Variants in FAM118B observed in about 807,000 individuals in gnomAD.
The protein encoded by FAM118B is protein FAM118B.
A neutral mutation model predicts 38.5 loss-of-function variants in FAM118B; 24 were observed. The ratio of observed to expected loss-of-function variants is 0.62; its 90% CI spans 0.45 to 0.88. The LOEUF (loss-of-function observed/expected upper bound fraction) is 0.88, where lower values mean the gene tolerates loss of function less well. Ranked by LOEUF, FAM118B falls within the 40% of genes least tolerant of loss-of-function variation. The pLI is 0.00. For synonymous variants in FAM118B, 138 were observed against 156.3 expected (o/e 0.88, Z 0.87); for missense variants, 334 against 420.0 (o/e 0.80, Z 1.79).
In FAM118B at chr11:126,255,895, GCAGTGAGCCAAGA is replaced by G. The variant is rs1950571415; in HGVS notation, c.697-670_697-658del. Among the ~76,000 whole-genome samples, 1 of 152,170 alleles carries G rather than the reference GCAGTGAGCCAAGA, an allele frequency of 6.6e-6. No homozygotes were observed. The highest frequency in any genetic ancestry group is 1.5e-5 in the Non-Finnish European group (1 of 68,036). On this transcript the variant is annotated intron_variant, in intron 6 of 8. Transcript: ENST00000533050. The surrounding 1 kb of genome is among the most constrained non-coding windows in gnomAD (Gnocchi z 4.6). ...TTGAACCTGGGAGGCAGAGGAGGTT[GCAGTGAGCCAAGA>G]CCATGCCACTGCACTCCAGCCTAGG...
Position 126,256,519 on chromosome 11 carries a change from C to T in FAM118B, c.697-48C>T. ...CATGACCTTCTTGTTTCAGACTTGC[C>T]TTGAGTGTGTCTTCACAATGTCAAT... On this transcript the variant is annotated intron_variant, in intron 6 of 8. Transcript: ENST00000533050. The surrounding 1 kb of genome is among the most constrained non-coding windows in gnomAD (Gnocchi z 6.6). The T allele has an allele frequency of 6.3e-7, 1 of 1,577,596 alleles. No individual in the cohort carries two copies. Among genetic ancestry groups the T allele is most frequent in the African/African-American group, 1.4e-5 (1 of 74,022 alleles).
chr11:126,241,984 C>T (rs1950364680), intron 4 of FAM118B, among the ~76,000 whole-genome samples: 1 of 147,840 alleles, frequency 6.8e-6, no homozygotes. Context: ...GCGGTCGCGC[C>T]ACTGCACTCC....
Position 126,240,837 on chromosome 11 carries a change from G to T in FAM118B, c.132G>T (p.Val44=). ...SLKTKKPREL[V]LVIGTGISAA... The stretch of plus-strand genomic sequence containing the variant: ...AAACTAAGAAGCCTCGAGAACTTGT[G>T]CTAGTGATTGGAACAGGCATTAGTG... The change falls in exon 4 of 9, where the codon GTG becomes GTT. Residue 44 remains valine (V), a synonymous_variant. Transcript: ENST00000533050. 1 of 1,612,960 alleles carries T rather than the reference G, an allele frequency of 6.2e-7. No individual in the cohort carries two copies. Among genetic ancestry groups the T allele is most frequent in the East Asian group, 2.2e-5 (1 of 44,884 alleles).
chr11:126,212,882 G>A (rs893246172), intron 1 of FAM118B, among the ~76,000 whole-genome samples: 6 of 152,192 alleles, frequency 3.9e-5, no homozygotes, highest in Admixed American at 3.9e-4. Context: ...AGGGCAGAGA[G>A]ACTCCTTGAA....
At chr11:126,246,327 C>T (rs146002649) in intron 4 of FAM118B, among the ~76,000 whole-genome samples, 12 of 152,140 alleles carry the variant, frequency 7.9e-5, no homozygotes, top group African/African-American at 2.7e-4. Flanking sequence ...GCCTATCTAC[C>T]GAGCCAGTTT....
At chr11:126,213,636 G>A (rs886449702) in intron 1 of FAM118B, among the ~76,000 whole-genome samples, 1 of 152,194 alleles carries the variant, frequency 6.6e-6, no homozygotes, top group Admixed American at 6.5e-5. Context: ...CTTGTTTTGG[G>A]TACAGGACTT....
intron 1 of FAM118B, among the ~76,000 whole-genome samples, chr11:126,228,129 T>G (rs1950167219): frequency 6.6e-6 from 1 of 151,944 alleles, no homozygotes; most frequent in African/African-American, 2.4e-5. Context: ...CAGCTCTATT[T>G]AAGTTGGAAA....
At chr11:126,224,285 C>T (rs1950107615) in intron 1 of FAM118B, among the ~76,000 whole-genome samples, 1 of 151,872 alleles carries the variant, frequency 6.6e-6, no homozygotes, top group African/African-American at 2.4e-5. Flanking sequence ...CCAGCCTGAG[C>T]AACGTGACAA....
chr11:126,261,625 CTACCCAT>C (rs1950701660), intron 8 of FAM118B, 141 bp downstream of exon 8: 1 of 647,498 alleles, frequency 1.5e-6, no homozygotes. Flanking sequence ...TTTTCCTCTC[CTACCCAT>C]TAAGGATTCT....
At chr11:126,218,920 C>A (rs955323521) in intron 1 of FAM118B, among the ~76,000 whole-genome samples, 1 of 152,122 alleles carries the variant, frequency 6.6e-6, no homozygotes, top group African/African-American at 2.4e-5. Flanking sequence ...GTATTTTACT[C>A]CAGACCCATT....
rs1266477816 is a variant in FAM118B at position 126,253,806 on chromosome 11, G to C, written c.568-499G>C. Among the ~76,000 whole-genome samples the C allele has an allele frequency of 2.6e-5, 4 of 152,224 alleles. No homozygotes were observed. The highest frequency in any genetic ancestry group is 2.6e-4 in the Admixed American group (4 of 15,282). Reference sequence around the variant, plus strand: ...GCTTCTTCACTTTCTTCGCATGGCAGCTGGATTCCAAAAGTAACACAAGAG... The same window carrying C: ...GCTTCTTCACTTTCTTCGCATGGCACCTGGATTCCAAAAGTAACACAAGAG... On this transcript the variant is annotated intron_variant, in intron 5 of 8. Coordinates refer to ENST00000533050, the MANE Select transcript of FAM118B (RefSeq NM_024556.4). The surrounding 1 kb of genome is among the most constrained non-coding windows in gnomAD (Gnocchi z 5.1).
At chr11:126,237,579 G>C (rs1950293866) in intron 3 of FAM118B, among the ~76,000 whole-genome samples, 1 of 138,638 alleles carries the variant, frequency 7.2e-6, no homozygotes, top group Non-Finnish European at 1.5e-5. Context: ...GCTCACGCCT[G>C]TCATCCCAGC....
At chr11:126,214,488 C>CTT (rs1565322268) in intron 1 of FAM118B, 1 of 34,856 alleles carries the variant, frequency 2.9e-5, no homozygotes, top group Non-Finnish European at 5.9e-5. Flanking sequence ...TCTTTTGTTT[C>CTT]TGTTTTTTTT....
intron 1 of FAM118B, among the ~76,000 whole-genome samples, chr11:126,219,339 T>C (rs1950027365): frequency 7.2e-6 from 1 of 138,698 alleles, no homozygotes; most frequent in South Asian, 2.3e-4. Flanking sequence ...ATCCTTCAGC[T>C]CTTGTTTATC....
Position 126,248,118 on chromosome 11 carries a change from G to C in FAM118B, c.340-2388G>C, listed in dbSNP as rs1297833671. 5.4e-5 allele frequency among the ~76,000 whole-genome samples: 8 copies of C among 149,352 alleles called. 1 individual carries two copies. Reference sequence around the variant, plus strand: ...CCAAAATCACGCCATTGCACTCCAGGCTGGGCAACAGAGCAAGACTCTGTC... The same window carrying C: ...CCAAAATCACGCCATTGCACTCCAGCCTGGGCAACAGAGCAAGACTCTGTC... On this transcript the variant is annotated intron_variant, in intron 4 of 8. Transcript: ENST00000533050.
intron 3 of FAM118B, among the ~76,000 whole-genome samples, chr11:126,240,394 T>C (rs1045031776): frequency 6.6e-6 from 1 of 152,154 alleles, no homozygotes; most frequent in East Asian, 1.9e-4. Flanking sequence ...GGGGTTCTTT[T>C]CTCTTTTTCT....
chr11:126,241,674 T>G (rs147143345), intron 4 of FAM118B, among the ~76,000 whole-genome samples: 55 of 152,116 alleles, frequency 3.6e-4, no homozygotes, highest in Middle Eastern at 3.4e-3. Flanking sequence ...CTCAGCCTCC[T>G]GAGTAGGTGG....
rs1240798593 is a variant in FAM118B, at chr11:126,262,936, AATTT to A, written c.*810_*813del. The A allele has an allele frequency of 6.6e-6, 1 of 152,670 alleles. No individual in the cohort carries two copies. Among genetic ancestry groups the A allele is most frequent in the Non-Finnish European group, 1.5e-5 (1 of 68,052 alleles). 9.5% of individuals were successfully genotyped at this position (152,670 alleles called of 1,614,324 possible). A position where few individuals can be genotyped will look rare whatever the true frequency, so the allele number is the denominator to read the frequency against. On this transcript the variant is annotated 3_prime_UTR_variant, in exon 9 of 9. Transcript: ENST00000533050. ...AAAAGAACTCCAAGACCTAAAAGGC[AATTT>A]ATTTATGAAATTTATTTTCTTATAT...
chr11:126,248,103 G>A (rs988897826), intron 4 of FAM118B, among the ~76,000 whole-genome samples: 5 of 149,822 alleles, frequency 3.3e-5, no homozygotes, highest in African/African-American at 7.3e-5. Flanking sequence ...CCAAAATCAC[G>A]CCATTGCACT....
Sources: allele counts gnomAD v4.1 joint callset (sites outside exome capture counted in the v4.1 genomes callset), GRCh38; gene constraint gnomAD v4.1.1; non-coding constraint Gnocchi (gnomAD v3.1); transcripts MANE v1.5; gene names NCBI Gene and HGNC (gene_info 2026-07-23, HGNC 2026-07-21).